DLGAP2: variants seen among roughly 807,000 people sequenced by gnomAD.
DLGAP2 encodes DLG associated protein 2.
Under a neutral mutation model 100.3 loss-of-function variants are expected in DLGAP2, and 26 were observed. The observed-to-expected ratio is 0.26, with a 90% CI of 0.19 to 0.36. The LOEUF (loss-of-function observed/expected upper bound fraction) is 0.36, where lower values mean the gene tolerates loss of function less well. DLGAP2 is among the 10% of genes least tolerant of loss of function. The probability of loss-of-function intolerance (pLI) is 1.00; values close to 1 mark genes in which losing one functional copy is unlikely to be tolerated. For synonymous variants in DLGAP2, 886 were observed against 630.1 expected (o/e 1.41, Z -6.08); for missense variants, 1,858 against 1,453.2 (o/e 1.28, Z -4.53).
chr8:1,603,989 G>A (rs974676167), intron 6 of DLGAP2, among the ~76,000 whole-genome samples: 7 of 152,080 alleles, frequency 4.6e-5, no homozygotes, highest in African/African-American at 7.2e-5. Flanking sequence ...CCACCGCGTC[G>A]GCACCTCTCC....
At chr8:1,533,159 G>T (rs942823203) in intron 4 of DLGAP2, among the ~76,000 whole-genome samples, 1 of 151,820 alleles carries the variant, frequency 6.6e-6, no homozygotes, top group Non-Finnish European at 1.5e-5. Flanking sequence ...AAAGATTAAC[G>T]GCATAAATCC....
chr8:1,356,568 C>G (rs1391104589), intron 3 of DLGAP2, among the ~76,000 whole-genome samples: 1 of 152,020 alleles, frequency 6.6e-6, no homozygotes, highest in Non-Finnish European at 1.5e-5. Flanking sequence ...TGAGAGTTAC[C>G]CTGTGGCCCC....
At chr8:1,435,300 C>T (rs1245725689) in intron 3 of DLGAP2, among the ~76,000 whole-genome samples, 1 of 152,194 alleles carries the variant, frequency 6.6e-6, no homozygotes, top group African/African-American at 2.4e-5. Context: ...CCATCGGAAG[C>T]AGGCAAGGGC....
At chr8:1,049,100 G>C (rs1376400018) in intron 2 of DLGAP2, among the ~76,000 whole-genome samples, 2 of 152,226 alleles carry the variant, frequency 1.3e-5, no homozygotes, top group Non-Finnish European at 2.9e-5. Context: ...CAAAATACAT[G>C]GGAGGGGAAG....
rs79365409 is a variant in DLGAP2, at chr8:1,453,506, C to T, written c.107-47860C>T. On this transcript the variant is annotated intron_variant, in intron 3 of 14. Coordinates refer to ENST00000637795, the MANE Select transcript of DLGAP2 (RefSeq NM_001346810.2). Reference sequence around the variant, plus strand: ...GTGTTGGCGTGGCTGCATTGAAAATCATTATGTATTCTGAGTGAAACACCC... The same window carrying T: ...GTGTTGGCGTGGCTGCATTGAAAATTATTATGTATTCTGAGTGAAACACCC... Among the ~76,000 whole-genome samples the T allele has an allele frequency of 1.5e-3, 229 of 152,136 alleles. No homozygotes were observed. In the East Asian group the frequency reaches 0.029, roughly 19 times the overall value.
At chr8:963,846 G>A (rs551818387) in intron 2 of DLGAP2, among the ~76,000 whole-genome samples, 16 of 152,208 alleles carry the variant, frequency 1.1e-4, no homozygotes, top group Admixed American at 4.6e-4. Context: ...ATTTGACAGC[G>A]GGATGACATT....
At chr8:950,098 G>T (rs1799440694) in intron 2 of DLGAP2, among the ~76,000 whole-genome samples, 1 of 152,172 alleles carries the variant, frequency 6.6e-6, no homozygotes, top group Non-Finnish European at 1.5e-5. Context: ...CCTTGGTGCC[G>T]CGGGGCTCAA....
intron 2 of DLGAP2, among the ~76,000 whole-genome samples, chr8:1,100,955 G>C (rs1031097727): frequency 2.6e-5 from 4 of 152,182 alleles, no homozygotes; most frequent in Non-Finnish European, 4.4e-5. Flanking sequence ...AGCAATACCA[G>C]TTACATTTCT....
intron 2 of DLGAP2, among the ~76,000 whole-genome samples, chr8:1,080,473 A>G (rs183993667): frequency 1.9e-4 from 29 of 152,334 alleles, no homozygotes; most frequent in African/African-American, 7.0e-4. Context: ...GGGGCGGGAA[A>G]GCTGCAGGGA....
At chr8:1,142,819 AG>A (rs1227480653) in intron 2 of DLGAP2, among the ~76,000 whole-genome samples, 1 of 152,150 alleles carries the variant, frequency 6.6e-6, no homozygotes, top group Non-Finnish European at 1.5e-5. Context: ...GCCCTTCAGG[AG>A]AGACCTGGCG....
At chr8:1,489,259 G>A (rs1020095860) in intron 3 of DLGAP2, among the ~76,000 whole-genome samples, 2 of 152,192 alleles carry the variant, frequency 1.3e-5, no homozygotes, top group East Asian at 1.9e-4. Flanking sequence ...AAATGGGACC[G>A]TCAGCTCTGA....
At position 892,608 on chromosome 8, in the gene DLGAP2, G is replaced by A. The variant is rs1478402956; in HGVS notation, c.19-15304G>A. On this transcript the variant is annotated intron_variant, in intron 1 of 14. Transcript: ENST00000637795. ...AAATGTGTGGTTAAAGAAAATGGAG[G>A]GTTTAGCTGCGTGGCTTCCCTGGGT... Among the ~76,000 whole-genome samples the A allele has an allele frequency of 2.0e-5, 3 of 152,174 alleles. No homozygotes were observed. The East Asian group carries it at 5.8e-4, about 29-fold the overall frequency.
At position 937,739 on chromosome 8, in the gene DLGAP2, A is replaced by G. The variant is rs867017322; in HGVS notation, c.73+29773A>G. 3.3e-5 allele frequency among the ~76,000 whole-genome samples: 5 copies of G among 152,218 alleles called. No homozygotes were observed. The South Asian group carries it at 6.2e-4, about 19-fold the overall frequency. ...CTCCTCCATCTCCTACAATCAAGGG[A>G]ATCTGGTGTTGTCTGCGTCTGTGCC... On this transcript the variant is annotated intron_variant, in intron 2 of 14. Coordinates refer to ENST00000637795, the MANE Select transcript of DLGAP2 (RefSeq NM_001346810.2).
chr8:1,621,787 G>A (rs1343082416), intron 6 of DLGAP2: 4 of 152,276 alleles, frequency 2.6e-5, no homozygotes, highest in Non-Finnish European at 4.4e-5. Context: ...CCGAGCCTCT[G>A]CGGTCAAGGG....
intron 1 of DLGAP2, among the ~76,000 whole-genome samples, chr8:752,801 T>A (rs1440750720): frequency 1.3e-5 from 2 of 152,098 alleles, no homozygotes; most frequent in Non-Finnish European, 2.9e-5. Flanking sequence ...TTCATGATAC[T>A]GTCGGCTGGG....
rs143714018 is a variant in DLGAP2, at chr8:880,470, C to T, written c.19-27442C>T. ...TCCCCTCTCCAGCCCTTGCCTGCGA[C>T]ATGGCATCCGTGCTGGGGAGACTTT... is the stretch of plus-strand genomic sequence containing the variant. On this transcript the variant is annotated intron_variant, in intron 1 of 14. Coordinates refer to ENST00000637795, the MANE Select transcript of DLGAP2 (RefSeq NM_001346810.2). Among the ~76,000 whole-genome samples, 386 of 152,210 alleles carry T rather than the reference C, an allele frequency of 2.5e-3. 1 individual carries two copies. The highest frequency in any genetic ancestry group is 8.9e-3 in the African/African-American group (370 of 41,496).
intron 5 of DLGAP2, among the ~76,000 whole-genome samples, chr8:1,555,621 G>T (rs1447339810): frequency 6.6e-6 from 1 of 152,262 alleles, no homozygotes; most frequent in Middle Eastern, 3.4e-3. Context: ...GTGCCTTCGA[G>T]CCTCTCACTG....
intron 1 of DLGAP2, among the ~76,000 whole-genome samples, chr8:745,114 G>A (rs1820586390): frequency 6.6e-6 from 1 of 152,186 alleles, no homozygotes; most frequent in Non-Finnish European, 1.5e-5. Flanking sequence ...CCGAGTTGTG[G>A]GTGCTGGAGA....
chr8:1,213,324 G>T (rs1011944835), intron 2 of DLGAP2, among the ~76,000 whole-genome samples: 1 of 152,094 alleles, frequency 6.6e-6, no homozygotes, highest in Non-Finnish European at 1.5e-5. Context: ...TAAAAGTTTT[G>T]ATCGAGTTTT....
Sources: gnomAD v4.1 joint callset for allele counts (sites outside exome capture counted in the v4.1 genomes callset) on GRCh38, gnomAD v4.1.1 for gene constraint, MANE v1.5 for transcripts, NCBI Gene and HGNC (gene_info 2026-07-23, HGNC 2026-07-21) for gene names.